PDGFRA: variants seen among roughly 807,000 people sequenced by gnomAD.
PDGFRA encodes the protein platelet-derived growth factor receptor alpha.
PDGFRA carries 25 observed loss-of-function variants against 121.5 expected under a neutral mutation model. The observed-to-expected ratio is 0.21, with a 90% CI of 0.15 to 0.29. The LOEUF is 0.29. Ranked by LOEUF, PDGFRA falls within the 10% of genes least tolerant of loss-of-function variation. The pLI is 1.00. For synonymous variants in PDGFRA, 463 were observed against 494.8 expected (o/e 0.94, Z 0.85); for missense variants, 1,008 against 1,345.1 (o/e 0.75, Z 3.92).
chr4:54,283,752 G>T (rs1324801447), intron 16 of PDGFRA, among the ~76,000 whole-genome samples: 4 of 152,058 alleles, frequency 2.6e-5, no homozygotes, highest in Admixed American at 6.6e-5. Context: ...AACCTTTTAT[G>T]CTCTGCTTCC....
chr4:54,247,561 G>C (rs1721760964), intron 1 of PDGFRA, among the ~76,000 whole-genome samples: 2 of 151,674 alleles, frequency 1.3e-5, no homozygotes, highest in Non-Finnish European at 2.9e-5. Flanking sequence ...GTATGTAAAT[G>C]GGACGTATCT....
At position 54,270,744 on chromosome 4, in the gene PDGFRA, T is replaced by G; in HGVS notation, c.1233T>G (p.Thr411=). 6.6e-7 allele frequency: 1 copy of G among 1,516,352 alleles called. No individual in the cohort carries two copies. The highest frequency in any genetic ancestry group is 9.2e-7 in the Non-Finnish European group (1 of 1,091,036). 93.9% of individuals were successfully genotyped at this position (1,516,352 alleles called of 1,614,324 possible). A position where few individuals can be genotyped will look rare whatever the true frequency, so the allele number is the denominator to read the frequency against. Residue 411 remains threonine (T), a synonymous_variant, in exon 8 of 23, where the codon ACT becomes ACG. Transcript: ENST00000257290. ...AVKSYTFELL[T]QVPSSILDLV... ...AGAGCTATACTTTTGAACTGTTAAC[T>G]CAAGGTATGTAAAGGGAGTATAAAG...
chr4:54,245,796 A>C (rs545229051), intron 1 of PDGFRA, among the ~76,000 whole-genome samples: 1 of 152,294 alleles, frequency 6.6e-6, no homozygotes, highest in East Asian at 1.9e-4. Context: ...AAGACCCATC[A>C]GTGTGCTGTA....
chr4:54,252,640 G>A (rs891779860), intron 1 of PDGFRA, among the ~76,000 whole-genome samples: 1 of 152,324 alleles, frequency 6.6e-6, no homozygotes, highest in Non-Finnish European at 1.5e-5. Context: ...ACTTAGGAGA[G>A]CTGAAATTAA....
At chr4:54,267,215 T>G in intron 5 of PDGFRA, 74 bp from the exon 6 acceptor site, 1 of 1,364,574 alleles carries the variant, frequency 7.3e-7, no homozygotes, top group Non-Finnish European at 1.0e-6. Flanking sequence ...TCATCCAGAG[T>G]CCATAGTTTA....
intron 16 of PDGFRA, among the ~76,000 whole-genome samples, chr4:54,283,437 A>T (rs2172370): frequency 6.6e-5 from 10 of 152,200 alleles, no homozygotes; most frequent in Admixed American, 1.3e-4. Context: ...TTTGAGCCAC[A>T]GCTGGAGCTG....
chr4:54,272,541 T>G (rs1176500582), intron 9 of PDGFRA, 21 bp downstream of exon 9: 9 of 1,611,326 alleles, frequency 5.6e-6, no homozygotes, highest in African/African-American at 1.3e-5. Context: ...CAGATGTGTC[T>G]TCTTCTTTCG....
chr4:54,263,971 C>T (rs750861062), intron 4 of PDGFRA, 44 bp downstream of exon 4: 3 of 1,573,736 alleles, frequency 1.9e-6, no homozygotes, highest in African/African-American at 2.7e-5. Flanking sequence ...GAGTAACAGG[C>T]AAAATCATAA....
intron 4 of PDGFRA, chr4:54,264,485 C>T: frequency 3.7e-6 from 1 of 270,674 alleles, no homozygotes; most frequent in South Asian, 4.2e-5. Context: ...GTGCTAGGTT[C>T]TGGGAAAGTA....
intron 1 of PDGFRA, among the ~76,000 whole-genome samples, chr4:54,258,523 G>A (rs1264631372): frequency 6.6e-6 from 1 of 152,108 alleles, no homozygotes; most frequent in Non-Finnish European, 1.5e-5. Flanking sequence ...ATTGAAAACT[G>A]CATGCAATCA....
At chr4:54,266,305 T>C (rs1723022798) in intron 5 of PDGFRA, among the ~76,000 whole-genome samples, 1 of 152,190 alleles carries the variant, frequency 6.6e-6, no homozygotes. Context: ...TTGTAAAATA[T>C]GGAGAGACAA....
At chr4:54,245,218 C>T (rs377694709) in intron 1 of PDGFRA, among the ~76,000 whole-genome samples, 3 of 151,060 alleles carry the variant, frequency 2.0e-5, no homozygotes, top group African/African-American at 2.4e-5. Flanking sequence ...ATACAGAGAA[C>T]GCCACAAAGA....
intron 16 of PDGFRA, among the ~76,000 whole-genome samples, chr4:54,283,585 C>A (rs1724175765): frequency 6.6e-6 from 1 of 152,238 alleles, no homozygotes; most frequent in Non-Finnish European, 1.5e-5. Flanking sequence ...GTCTGAAATG[C>A]CTTAAAGGCC....
intron 22 of PDGFRA, 33 bp from the exon 23 acceptor site, chr4:54,295,092 G>A (rs777226787): frequency 1.9e-6 from 3 of 1,607,622 alleles, no homozygotes; most frequent in South Asian, 1.1e-5. Flanking sequence ...CTGTGCAGGA[G>A]TTGTAATATT....
At chr4:54,282,542 G>A (rs925595734) in intron 16 of PDGFRA, among the ~76,000 whole-genome samples, 23 of 152,170 alleles carry the variant, frequency 1.5e-4, no homozygotes, top group African/African-American at 5.5e-4. Flanking sequence ...CCATTCATCT[G>A]CCACCAGTCC....
At chr4:54,247,229 A>C (rs1045739546) in intron 1 of PDGFRA, among the ~76,000 whole-genome samples, 2 of 152,216 alleles carry the variant, frequency 1.3e-5, no homozygotes, top group Non-Finnish European at 2.9e-5. Context: ...TGAGGGCAGC[A>C]TCATCCTGAT....
intron 1 of PDGFRA, among the ~76,000 whole-genome samples, chr4:54,248,674 A>G (rs1426921683): frequency 6.6e-6 from 1 of 152,234 alleles, no homozygotes; most frequent in East Asian, 1.9e-4. Flanking sequence ...CTTCATGTCT[A>G]AAACACCAAA....
At chr4:54,242,581 G>GTA (rs934741365) in intron 1 of PDGFRA, among the ~76,000 whole-genome samples, 49 of 151,034 alleles carry the variant, frequency 3.2e-4, no homozygotes, top group Non-Finnish European at 5.5e-4. Flanking sequence ...ATGTATGTGT[G>GTA]TATATATATA....
intron 16 of PDGFRA, among the ~76,000 whole-genome samples, chr4:54,283,920 TAA>T (rs1023307829): frequency 1.8e-4 from 27 of 152,332 alleles, no homozygotes; most frequent in African/African-American, 6.0e-4. Context: ...CTTTTAAATA[TAA>T]GTTTCAACTT....
Sources: gnomAD v4.1 joint callset for allele counts (sites outside exome capture counted in the v4.1 genomes callset) on GRCh38, gnomAD v4.1.1 for gene constraint, MANE v1.5 for transcripts, NCBI Gene and HGNC (gene_info 2026-07-23, HGNC 2026-07-21) for gene names.